The following CRACD variants were observed in gnomAD, a reference collection of about 807,000 sequenced individuals.
The protein encoded by CRACD is capping protein inhibiting regulator of actin dynamics.
In CRACD, 56 loss-of-function variants were observed where a neutral mutation model predicts 106.8. The ratio of observed to expected loss-of-function variants is 0.52; its 90% CI spans 0.42 to 0.66. The LOEUF (loss-of-function observed/expected upper bound fraction) is 0.66. Among genes scored for constraint, CRACD ranks in the 30% least tolerant of loss-of-function variants. The pLI is 0.00. For missense variants in CRACD, 1,730 were observed against 1,623.2 expected, an observed-to-expected ratio of 1.07 and a Z score of -1.13; for synonymous variants, 754 against 670.8, an observed-to-expected ratio of 1.12 and a Z score of -1.92.
At chr4:56,143,467 G>A (rs1188846455) in intron 1 of CRACD, among the ~76,000 whole-genome samples, 1 of 152,022 alleles carries the variant, frequency 6.6e-6, no homozygotes, top group East Asian at 1.9e-4. Context: ...GTCGATTCAT[G>A]AAGGAGGATA....
At chr4:56,270,866 G>A (rs1237163448) in intron 2 of CRACD, among the ~76,000 whole-genome samples, 1 of 151,992 alleles carries the variant, frequency 6.6e-6, no homozygotes, top group Non-Finnish European at 1.5e-5. Flanking sequence ...CGGATCATTT[G>A]AGGTCAGGAG....
At position 56,108,392 on chromosome 4, in the gene CRACD, A is replaced by G. The variant is rs531278139; in HGVS notation, c.-336+59093A>G. 2.6e-5 allele frequency among the ~76,000 whole-genome samples: 4 copies of G among 152,316 alleles called. No individual in the cohort carries two copies. In the South Asian group the frequency reaches 8.3e-4, roughly 32 times the overall value. On this transcript the variant is annotated intron_variant, in intron 1 of 10. Transcript: ENST00000682029. The stretch of plus-strand genomic sequence containing the variant: ...ATGAGAAAACACCAGAAAAATTCAA[A>G]TTGGGAGAATATAAAATACAATGAT...
chr4:56,292,651 A>T (rs1383339251), intron 3 of CRACD, among the ~76,000 whole-genome samples: 1 of 151,942 alleles, frequency 6.6e-6, no homozygotes, highest in African/African-American at 2.4e-5. Flanking sequence ...CAGCCTCCCG[A>T]GTAGCTGGGA....
chr4:56,267,204 T>G (rs1185566011), intron 2 of CRACD, among the ~76,000 whole-genome samples: 2 of 151,600 alleles, frequency 1.3e-5, no homozygotes, highest in African/African-American at 4.9e-5. Context: ...CACTACAACC[T>G]CTGCCTCCCG....
At chr4:56,075,541 C>T (rs377190768) in intron 1 of CRACD, among the ~76,000 whole-genome samples, 6 of 151,990 alleles carry the variant, frequency 3.9e-5, no homozygotes, top group African/African-American at 7.2e-5. Context: ...ATATCCCCTT[C>T]ATCATTTTTT....
chr4:56,122,186 T>TAA (rs60318169), intron 1 of CRACD, among the ~76,000 whole-genome samples: 41 of 150,696 alleles, frequency 2.7e-4, no homozygotes, highest in Non-Finnish European at 4.9e-4. Flanking sequence ...TCCATCTCTT[T>TAA]AAAAAAAAAT....
At chr4:56,120,516 A>C (rs114401388) in intron 1 of CRACD, among the ~76,000 whole-genome samples, 44 of 152,358 alleles carry the variant, frequency 2.9e-4, no homozygotes, top group African/African-American at 9.4e-4. Context: ...CCAACCAAAT[A>C]ATTTCAGAAA....
chr4:56,267,651 G>C (rs1037202733), intron 2 of CRACD, among the ~76,000 whole-genome samples: 1 of 152,124 alleles, frequency 6.6e-6, no homozygotes, highest in Non-Finnish European at 1.5e-5. Context: ...TGGTTGTTGG[G>C]TGGAGAATCC....
At chr4:56,210,825 G>A (rs893594424) in intron 2 of CRACD, among the ~76,000 whole-genome samples, 2 of 152,186 alleles carry the variant, frequency 1.3e-5, no homozygotes, top group African/African-American at 2.4e-5. Flanking sequence ...TAATTACTGA[G>A]TTTAGGGTGG....
At chr4:56,067,219 T>C (rs1732492402) in intron 1 of CRACD, among the ~76,000 whole-genome samples, 1 of 151,636 alleles carries the variant, frequency 6.6e-6, no homozygotes, top group South Asian at 2.1e-4. Context: ...AAAACTAAGA[T>C]AGATGATTCT....
chr4:56,200,945 A>T (rs987254059), intron 2 of CRACD, among the ~76,000 whole-genome samples: 2 of 152,238 alleles, frequency 1.3e-5, no homozygotes, highest in African/African-American at 4.8e-5. Flanking sequence ...ATTAAAATTT[A>T]CTTTTAAAAA....
chr4:56,319,024 C>T (rs1032944083), intron 8 of CRACD, among the ~76,000 whole-genome samples: 11 of 152,200 alleles, frequency 7.2e-5, no homozygotes, highest in South Asian at 2.1e-4. Flanking sequence ...TTCTCTTACT[C>T]GTATTATTAG....
Position 56,056,655 on chromosome 4 carries a change from C to T in CRACD, c.-336+7356C>T, listed in dbSNP as rs117488402. ...CCCCGAAAAACCAAAGTTAGCTGGG[C>T]GTGGTGGCACATGTCTGTGGTCCCA... On this transcript the variant is annotated intron_variant, in intron 1 of 10. Coordinates refer to ENST00000682029, the MANE Select transcript of CRACD (RefSeq NM_001393381.1). 6.2e-4 allele frequency among the ~76,000 whole-genome samples: 94 copies of T among 151,468 alleles called. No individual in the cohort carries two copies. In the East Asian group the frequency reaches 0.015, roughly 23 times the overall value.
chr4:56,221,605 A>G (rs1739034416), intron 2 of CRACD, among the ~76,000 whole-genome samples: 1 of 152,200 alleles, frequency 6.6e-6, no homozygotes, highest in African/African-American at 2.4e-5. Flanking sequence ...TAAACTATAC[A>G]TCTAAGAAAG....
intron 3 of CRACD, among the ~76,000 whole-genome samples, chr4:56,284,764 T>G (rs2109682001): frequency 6.6e-6 from 1 of 152,258 alleles, no homozygotes; most frequent in East Asian, 1.9e-4. Context: ...ATCTGTGTCG[T>G]ACTTTACAAC....
intron 3 of CRACD, among the ~76,000 whole-genome samples, chr4:56,273,344 C>T (rs1006753322): frequency 2.0e-5 from 3 of 149,902 alleles, no homozygotes; most frequent in Non-Finnish European, 3.0e-5. Context: ...TCCCTCCCTA[C>T]GTCCCTCCCT....
intron 2 of CRACD, among the ~76,000 whole-genome samples, chr4:56,257,193 T>A (rs1341688882): frequency 6.6e-6 from 1 of 151,148 alleles, no homozygotes; most frequent in Non-Finnish European, 1.5e-5. Context: ...GCAATTCTCA[T>A]GTTTCAGCCT....
At chr4:56,062,797 T>TA (rs1183908087) in intron 1 of CRACD, among the ~76,000 whole-genome samples, 1 of 152,224 alleles carries the variant, frequency 6.6e-6, no homozygotes, top group Non-Finnish European at 1.5e-5. Flanking sequence ...AAGGAGTTTT[T>TA]ATAGAACCGA....
intron 2 of CRACD, among the ~76,000 whole-genome samples, chr4:56,211,919 G>A (rs568211304): frequency 5.9e-5 from 9 of 152,286 alleles, no homozygotes; most frequent in Admixed American, 5.9e-4. Flanking sequence ...TCTTTGGCCT[G>A]GAGGTGGGGT....
Sources: gnomAD v4.1 joint callset for allele counts (sites outside exome capture counted in the v4.1 genomes callset) on GRCh38, gnomAD v4.1.1 for gene constraint, MANE v1.5 for transcripts, NCBI Gene and HGNC (gene_info 2026-07-23, HGNC 2026-07-21) for gene names.